EXD3: variants seen among roughly 807,000 people sequenced by gnomAD.
The protein encoded by EXD3 is exonuclease 3'-5' domain containing 3, also known as exonuclease mut-7 homolog.
In EXD3, 92 loss-of-function variants were observed where a neutral mutation model predicts 98.0. The ratio of observed to expected loss-of-function variants is 0.94; its 90% CI spans 0.79 to 1.12. The LOEUF (loss-of-function observed/expected upper bound fraction) is 1.12, where lower values mean the gene tolerates loss of function less well. Among genes scored for constraint, EXD3 ranks in the 50% most tolerant of loss-of-function variants. The pLI, the probability that EXD3 is intolerant of heterozygous loss-of-function variation, is 0.00. For missense variants in EXD3, 1,222 were observed against 1,191.6 expected (o/e 1.03, Z -0.38); for synonymous variants, 569 against 526.0 (o/e 1.08, Z -1.12).
intron 19 of EXD3, among the ~76,000 whole-genome samples, chr9:137,316,369 A>G (rs1831660736): frequency 1.3e-5 from 2 of 151,880 alleles, no homozygotes; most frequent in Admixed American, 6.6e-5. Flanking sequence ...GGGTGTGTGC[A>G]GGGGGCCGAG....
rs1161105146 is a variant in EXD3 at position 137,351,447 on chromosome 9, C to T, written c.1255G>A (p.Val419Met). Residue 419 changes from valine to methionine, a missense_variant, in exon 13 of 22, where the codon GTG becomes ATG. Physicochemically the swap from Val to Met is conservative, Grantham distance 21. Transcript: ENST00000340951. ...AGGAACACGTGGCCCTCCACGGCCA[C>T]CTGCAGGAGTGACGGCCGAGGCCGG... ...GGRPRPSLLQ[V>M]AVEGHVFLLD... 1 of 1,604,890 alleles carries T rather than the reference C, an allele frequency of 6.2e-7. No individual in the cohort carries two copies. Among genetic ancestry groups the T allele is most frequent in the Non-Finnish European group, 8.5e-7 (1 of 1,177,018 alleles).
At position 137,349,323 on chromosome 9, in the gene EXD3, G is replaced by A. The variant is rs375846647; in HGVS notation, c.1658-41C>T. ...GCCTCAGCCTCCCGGGACAGAGGGCGGGAGGGGCGTGAGGAGGGGTCACTC... is the reference window on the plus strand; with the variant it reads ...GCCTCAGCCTCCCGGGACAGAGGGCAGGAGGGGCGTGAGGAGGGGTCACTC... On this transcript the variant is annotated intron_variant, in intron 15 of 21. Coordinates refer to ENST00000340951, the MANE Select transcript of EXD3 (RefSeq NM_017820.5). The surrounding 1 kb of genome is among the most constrained non-coding windows in gnomAD (Gnocchi z 7.4). The A allele has an allele frequency of 1.6e-4, 245 of 1,553,488 alleles. No individual in the cohort carries two copies. The highest frequency in any genetic ancestry group is 1.2e-3 in the African/African-American group (91 of 73,936).
chr9:137,382,563 C>A (rs1054995889), intron 3 of EXD3, among the ~76,000 whole-genome samples: 1 of 152,182 alleles, frequency 6.6e-6, no homozygotes, highest in African/African-American at 2.4e-5. Flanking sequence ...CAAGAAGCCA[C>A]CGAGCTGATG....
At position 137,371,236 on chromosome 9, in the gene EXD3, C is replaced by T. The variant is rs1362255003; in HGVS notation, c.462+1669G>A. On this transcript the variant is annotated intron_variant, in intron 5 of 21. Coordinates refer to ENST00000340951, the MANE Select transcript of EXD3 (RefSeq NM_017820.5). This position sits in a 1 kb window ranked among gnomAD's most constrained non-coding sequence, Gnocchi z 8.0. Reference sequence around the variant, plus strand: ...TCTGCCTCCCTGCACTCTCCGCAGGCACGGCCGCCATTCAGCGTCGCGCCA... The same window carrying T: ...TCTGCCTCCCTGCACTCTCCGCAGGTACGGCCGCCATTCAGCGTCGCGCCA... 2.0e-5 allele frequency among the ~76,000 whole-genome samples: 3 copies of T among 152,240 alleles called. No homozygotes were observed. The highest frequency in any genetic ancestry group is 4.4e-5 in the Non-Finnish European group (3 of 68,034).
intron 1 of EXD3, among the ~76,000 whole-genome samples, chr9:137,414,361 A>G (rs1838141944): frequency 6.6e-6 from 1 of 152,230 alleles, no homozygotes; most frequent in Non-Finnish European, 1.5e-5. Flanking sequence ...TTTGTCCAGC[A>G]GACATTCGGG....
At position 137,401,761 on chromosome 9, in the gene EXD3, T is replaced by A. The variant is rs534366907; in HGVS notation, c.-47-6357A>T. Reference sequence around the variant, plus strand: ...TAGACTGCACACAGCACAGGGACCCTGGGCCCAGCCCACAAAACCACTTTT... The same window carrying A: ...TAGACTGCACACAGCACAGGGACCCAGGGCCCAGCCCACAAAACCACTTTT... On this transcript the variant is annotated intron_variant, in intron 1 of 21. Coordinates refer to ENST00000340951, the MANE Select transcript of EXD3 (RefSeq NM_017820.5). Among the ~76,000 whole-genome samples the A allele has an allele frequency of 2.0e-5, 3 of 152,296 alleles. No individual in the cohort carries two copies. In the South Asian group the frequency reaches 6.2e-4, roughly 32 times the overall value.
intron 17 of EXD3, among the ~76,000 whole-genome samples, chr9:137,334,168 A>AT (rs1226251539): frequency 6.6e-6 from 1 of 152,028 alleles, no homozygotes; most frequent in African/African-American, 2.4e-5. Context: ...CACCCGGCTA[A>AT]TTTTTTGTAT....
intron 17 of EXD3, among the ~76,000 whole-genome samples, chr9:137,336,498 T>A (rs1267343895): frequency 1.3e-5 from 2 of 151,938 alleles, no homozygotes; most frequent in African/African-American, 2.4e-5. Flanking sequence ...TCATATCTAC[T>A]AAAAATACAA....
intron 3 of EXD3, among the ~76,000 whole-genome samples, chr9:137,379,685 C>T (rs1420023590): frequency 3.9e-5 from 6 of 152,096 alleles, no homozygotes; most frequent in African/African-American, 9.7e-5. Flanking sequence ...TTTTATATGT[C>T]GTGCATCTTA....
chr9:137,312,814 C>G (rs1564461779), intron 19 of EXD3, among the ~76,000 whole-genome samples: 1 of 152,148 alleles, frequency 6.6e-6, no homozygotes, highest in Non-Finnish European at 1.5e-5. Flanking sequence ...CCCACCCCCA[C>G]CACCAAGGGA....
At chr9:137,310,014 C>T (rs1248907597) in intron 19 of EXD3, among the ~76,000 whole-genome samples, 15 of 152,250 alleles carry the variant, frequency 9.9e-5, no homozygotes, top group Non-Finnish European at 2.2e-4. Context: ...GTCTGGGTCC[C>T]CCGTGGGCCA....
intron 7 of EXD3, among the ~76,000 whole-genome samples, chr9:137,358,571 C>G (rs2119270066): frequency 6.6e-6 from 1 of 152,330 alleles, no homozygotes; most frequent in Admixed American, 6.5e-5. Flanking sequence ...CGGGTTCCAG[C>G]TCCCGTCTCC....
intron 19 of EXD3, among the ~76,000 whole-genome samples, chr9:137,313,159 G>A (rs1348854295): frequency 6.6e-6 from 1 of 152,182 alleles, no homozygotes; most frequent in African/African-American, 2.4e-5. Flanking sequence ...GGAAAGAGGA[G>A]GGCGAGACAC....
rs567684847 is a variant in EXD3, at chr9:137,355,779, A to T, written c.757+489T>A. On this transcript the variant is annotated intron_variant, in intron 8 of 21. Transcript: ENST00000340951. ...CCAGATAAAATTCAAACTTCCGGCC[A>T]GGTGCCAGCCTGTACCCTCCTGAGA... 1.6e-4 allele frequency among the ~76,000 whole-genome samples: 25 copies of T among 152,006 alleles called. No homozygotes were observed. The East Asian group carries it at 4.5e-3, about 27-fold the overall frequency.
chr9:137,394,565 G>A (rs1176084874), intron 2 of EXD3, among the ~76,000 whole-genome samples: 7 of 151,288 alleles, frequency 4.6e-5, no homozygotes, highest in East Asian at 2.0e-4. Context: ...CCCTAATCCC[G>A]GCCTTCCAGC....
At chr9:137,386,831 C>A (rs1836618328) in intron 2 of EXD3, among the ~76,000 whole-genome samples, 1 of 148,660 alleles carries the variant, frequency 6.7e-6, no homozygotes, top group Non-Finnish European at 1.5e-5. Context: ...CACCTGCTCC[C>A]TGCCTGCCTC....
At chr9:137,397,481 T>C (rs1305653952) in intron 1 of EXD3, among the ~76,000 whole-genome samples, 1 of 152,062 alleles carries the variant, frequency 6.6e-6, no homozygotes, top group Non-Finnish European at 1.5e-5. Flanking sequence ...CAATGGATAA[T>C]TCACGAAACT....
chr9:137,398,527 GAC>G (rs1408121625), intron 1 of EXD3, among the ~76,000 whole-genome samples: 2 of 150,056 alleles, frequency 1.3e-5, no homozygotes, highest in Non-Finnish European at 2.9e-5. Flanking sequence ...ATGTCCCCAA[GAC>G]ACACAGGCAA....
At chr9:137,367,809 C>T (rs1482441558) in intron 6 of EXD3, 127 bp downstream of exon 6, 3 of 892,424 alleles carry the variant, frequency 3.4e-6, no homozygotes, top group East Asian at 5.5e-5. Context: ...CCCTCGCCGG[C>T]CCCCGATGGC....
Sources: gnomAD v4.1 joint callset for allele counts (sites outside exome capture counted in the v4.1 genomes callset) on GRCh38, gnomAD v4.1.1 for gene constraint, Gnocchi (gnomAD v3.1) non-coding constraint, MANE v1.5 for transcripts, NCBI Gene and HGNC (gene_info 2026-07-23, HGNC 2026-07-21) for gene names.